The following UGT2A1 variants were observed in gnomAD, a reference collection of about 807,000 sequenced individuals.
UGT2A1 encodes the protein UDP glucuronosyltransferase family 2 member A1 complex locus.
A neutral mutation model predicts 45.4 loss-of-function variants in UGT2A1; 61 were observed. The observed-to-expected ratio is 1.34, with a 90% confidence interval of 1.09 to 1.66. The LOEUF (loss-of-function observed/expected upper bound fraction) is 1.66. UGT2A1 is among the 40% of genes most tolerant of loss of function. UGT2A1 has a pLI of 0.00. For missense variants in UGT2A1, 649 were observed against 574.3 expected (o/e 1.13, Z -1.33); for synonymous variants, 229 against 196.2 (o/e 1.17, Z -1.40).
chr4:69,643,653 A>G (rs938045998), intron 2 of UGT2A1, among the ~76,000 whole-genome samples: 2 of 151,668 alleles, frequency 1.3e-5, no homozygotes, highest in African/African-American at 2.4e-5. Flanking sequence ...GTAATTTTAC[A>G]TTATAAATAC....
chr4:69,643,902 A>G (rs1249716049), intron 2 of UGT2A1, among the ~76,000 whole-genome samples: 2 of 151,614 alleles, frequency 1.3e-5, no homozygotes, highest in African/African-American at 4.8e-5. Context: ...TCCATTTATC[A>G]TTCTCCTTTA....
At chr4:69,631,821 T>C (rs1377073798) in intron 3 of UGT2A1, among the ~76,000 whole-genome samples, 1 of 152,092 alleles carries the variant, frequency 6.6e-6, no homozygotes, top group African/African-American at 2.4e-5. Flanking sequence ...GAAATCACAA[T>C]TGAGCTAAAA....
intron 3 of UGT2A1, among the ~76,000 whole-genome samples, chr4:69,611,923 C>T (rs1378318040): frequency 6.6e-6 from 1 of 152,096 alleles, no homozygotes; most frequent in Non-Finnish European, 1.5e-5. Context: ...CTCACTCTTA[C>T]AAATAAATTC....
At chr4:69,612,465 C>T (rs7655867) in intron 3 of UGT2A1, among the ~76,000 whole-genome samples, 21,771 of 151,858 alleles carry the variant, frequency 0.14, 1,745 homozygotes, top group Non-Finnish European at 0.18. Context: ...GCCGAAAGCA[C>T]CATACTACCC....
At chr4:69,618,307 T>C (rs981111850) in intron 3 of UGT2A1, among the ~76,000 whole-genome samples, 2 of 150,024 alleles carry the variant, frequency 1.3e-5, no homozygotes, top group Admixed American at 1.3e-4. Flanking sequence ...TTAAAAATGT[T>C]TTTGGGGCAT....
At chr4:69,615,438 T>C (rs926480639) in intron 3 of UGT2A1, among the ~76,000 whole-genome samples, 2 of 151,654 alleles carry the variant, frequency 1.3e-5, no homozygotes, top group East Asian at 3.9e-4. Flanking sequence ...GAAGAAACAG[T>C]CTACAAAATG....
At chr4:69,634,153 G>A (rs542336568) in intron 3 of UGT2A1, among the ~76,000 whole-genome samples, 2 of 152,188 alleles carry the variant, frequency 1.3e-5, no homozygotes, top group East Asian at 3.9e-4. Flanking sequence ...GCTGAGGCAG[G>A]AGAATGGCGT....
At position 69,588,453 on chromosome 4, in the gene UGT2A1, A is replaced by G. The variant is rs1718378457; in HGVS notation, c.*919T>C. 1 of 152,132 alleles carries G rather than the reference A, an allele frequency of 6.6e-6. No individual in the cohort carries two copies. Among genetic ancestry groups the G allele is most frequent in the African/African-American group, 2.4e-5 (1 of 41,454 alleles). The allele number at this position is 152,132 out of a possible 1,614,324, so 9.4% of individuals were successfully genotyped here. ...GTAAGCATTTTTTATTTTTTGGCATAAAATTAAACTTTTGATTACAAATAG... is the reference window on the plus strand; with the variant it reads ...GTAAGCATTTTTTATTTTTTGGCATGAAATTAAACTTTTGATTACAAATAG... On this transcript the variant is annotated 3_prime_UTR_variant, in exon 7 of 7. Coordinates refer to ENST00000286604, the MANE Select transcript of UGT2A1 (RefSeq NM_001252275.3).
At chr4:69,618,314 G>T (rs924239906) in intron 3 of UGT2A1, among the ~76,000 whole-genome samples, 1 of 148,088 alleles carries the variant, frequency 6.8e-6, no homozygotes, top group Non-Finnish European at 1.5e-5. Context: ...TGTTTTTGGG[G>T]CATTAAATTA....
intron 3 of UGT2A1, among the ~76,000 whole-genome samples, chr4:69,603,927 A>T (rs1433762924): frequency 1.4e-4 from 19 of 135,308 alleles, no homozygotes; most frequent in South Asian, 2.4e-4. Context: ...TGAAAAGACC[A>T]AATCTACGTC....
At chr4:69,631,883 C>T (rs7665571) in intron 3 of UGT2A1, among the ~76,000 whole-genome samples, 34,541 of 152,124 alleles carry the variant, frequency 0.23, 4,190 homozygotes, top group Middle Eastern at 0.25. Flanking sequence ...TACCACTTCA[C>T]ACTACTTTTA....
At chr4:69,600,754 T>C (rs1719235196) in intron 3 of UGT2A1, among the ~76,000 whole-genome samples, 2 of 151,892 alleles carry the variant, frequency 1.3e-5, no homozygotes. Context: ...GCAGGTTGTT[T>C]TGCATGATGG....
At chr4:69,600,204 C>T (rs561757071) in intron 3 of UGT2A1, among the ~76,000 whole-genome samples, 21 of 152,254 alleles carry the variant, frequency 1.4e-4, no homozygotes, top group Non-Finnish European at 2.5e-4. Flanking sequence ...ATCCAGACCA[C>T]GGGGAAATGC....
intron 3 of UGT2A1, among the ~76,000 whole-genome samples, chr4:69,630,169 A>G (rs1235168773): frequency 6.6e-6 from 1 of 152,092 alleles, no homozygotes; most frequent in Admixed American, 6.6e-5. Context: ...CCATTCTTGT[A>G]GACATTTGTC....
At chr4:69,634,816 A>G (rs955804961) in intron 3 of UGT2A1, among the ~76,000 whole-genome samples, 1 of 152,192 alleles carries the variant, frequency 6.6e-6, no homozygotes, top group African/African-American at 2.4e-5. Context: ...ATCACCCTTA[A>G]TGGTAAACAA....
At chr4:69,614,692 C>T (rs1175397361) in intron 3 of UGT2A1, among the ~76,000 whole-genome samples, 1 of 151,982 alleles carries the variant, frequency 6.6e-6, no homozygotes, top group Admixed American at 6.6e-5. Context: ...TACCTTTCAA[C>T]AAAGCTGCCA....
intron 3 of UGT2A1, among the ~76,000 whole-genome samples, chr4:69,608,510 T>A (rs1719822225): frequency 6.6e-6 from 1 of 151,742 alleles, no homozygotes; most frequent in Non-Finnish European, 1.5e-5. Context: ...ACCTGGCACA[T>A]GTATGTAACT....
At chr4:69,607,882 AC>A (rs1169861737) in intron 3 of UGT2A1, among the ~76,000 whole-genome samples, 1 of 152,210 alleles carries the variant, frequency 6.6e-6, no homozygotes, top group Non-Finnish European at 1.5e-5. Context: ...ACCATCTCAC[AC>A]CAGTTAGAAT....
At chr4:69,642,371 C>A (rs961033193) in intron 2 of UGT2A1, among the ~76,000 whole-genome samples, 1 of 150,282 alleles carries the variant, frequency 6.7e-6, no homozygotes, top group East Asian at 1.9e-4. Context: ...CAATCAAGAT[C>A]AATGTAAATT....
Sources: allele counts gnomAD v4.1 joint callset (sites outside exome capture counted in the v4.1 genomes callset), GRCh38; gene constraint gnomAD v4.1.1; transcripts MANE v1.5; gene names NCBI Gene and HGNC (gene_info 2026-07-23, HGNC 2026-07-21).